NR3C2: variants seen among roughly 807,000 people sequenced by gnomAD.
NR3C2 encodes the protein mineralocorticoid receptor.
In NR3C2, 15 loss-of-function variants were observed where a neutral mutation model predicts 86.4. That is an observed-to-expected ratio of 0.17 (90% CI 0.12 to 0.27). The LOEUF is 0.27. NR3C2 is among the 10% of genes least tolerant of loss of function. The probability of loss-of-function intolerance (pLI) is 1.00; values close to 1 mark genes in which losing one functional copy is unlikely to be tolerated. For missense variants in NR3C2, 960 were observed against 1,195.6 expected (o/e 0.80, Z 2.91); for synonymous variants, 458 against 450.5 (o/e 1.02, Z -0.21).
intron 3 of NR3C2, among the ~76,000 whole-genome samples, chr4:148,216,400 A>G (rs1737540108): frequency 6.6e-6 from 1 of 152,174 alleles, no homozygotes. Context: ...CCCATGAAAC[A>G]GTCTTAGCAT....
At chr4:148,136,056 CAAAAAAAA>C (rs199716496) in intron 6 of NR3C2, among the ~76,000 whole-genome samples, 35,123 of 70,838 alleles carry the variant, frequency 0.5, 5,861 homozygotes, top group East Asian at 0.71. Context: ...GACTCCGTCT[CAAAAAAAA>C]AAAAAAAAAA....
At chr4:148,091,005 C>G (rs1402548220) in intron 8 of NR3C2, among the ~76,000 whole-genome samples, 1 of 152,226 alleles carries the variant, frequency 6.6e-6, no homozygotes, top group Non-Finnish European at 1.5e-5. Context: ...GTGTCACCAC[C>G]AACTACTACC....
chr4:148,278,627 G>C (rs1741080890), intron 2 of NR3C2, among the ~76,000 whole-genome samples: 2 of 152,072 alleles, frequency 1.3e-5, no homozygotes, highest in South Asian at 4.2e-4. Flanking sequence ...GATAATGCCT[G>C]GTTCTTCTCC....
At chr4:148,362,837 T>G (rs1325695222) in intron 2 of NR3C2, among the ~76,000 whole-genome samples, 1 of 152,226 alleles carries the variant, frequency 6.6e-6, no homozygotes, top group Non-Finnish European at 1.5e-5. Context: ...AAGGGCTGAC[T>G]TAAGCAGGGA....
At chr4:148,372,806 C>T (rs890027752) in intron 2 of NR3C2, among the ~76,000 whole-genome samples, 3 of 152,122 alleles carry the variant, frequency 2.0e-5, no homozygotes, top group Admixed American at 1.3e-4. Context: ...CTAATCCTTC[C>T]ACTGATTTCT....
intron 2 of NR3C2, among the ~76,000 whole-genome samples, chr4:148,336,643 C>G (rs1744502804): frequency 6.6e-6 from 1 of 151,988 alleles, no homozygotes; most frequent in Non-Finnish European, 1.5e-5. Flanking sequence ...TTGAACATCC[C>G]TCTCCCTAAC....
At chr4:148,114,289 T>C in intron 7 of NR3C2, 28 bp from the exon 8 acceptor site, 2 of 1,612,784 alleles carry the variant, frequency 1.2e-6, no homozygotes, top group Non-Finnish European at 1.7e-6. Flanking sequence ...GACATGTAAA[T>C]TTCCAGGATG....
At chr4:148,130,814 GTTTT>G (rs1732998027) in intron 6 of NR3C2, among the ~76,000 whole-genome samples, 2 of 77,054 alleles carry the variant, frequency 2.6e-5, no homozygotes, top group South Asian at 4.3e-4. Context: ...GTTTTGTTTT[GTTTT>G]GTTTTTTTTT....
At chr4:148,212,911 A>T (rs1579019679) in intron 3 of NR3C2, among the ~76,000 whole-genome samples, 1 of 152,214 alleles carries the variant, frequency 6.6e-6, no homozygotes, top group African/African-American at 2.4e-5. Flanking sequence ...GCTTGCAAGA[A>T]GTTCACAGAA....
chr4:148,306,501 T>C (rs1742634147), intron 2 of NR3C2, among the ~76,000 whole-genome samples: 2 of 152,246 alleles, frequency 1.3e-5, no homozygotes. Context: ...GACAAATTTA[T>C]TTCCTCCCTT....
chr4:148,255,352 A>C lies in NR3C2; in HGVS notation c.1897+4626T>G, dbSNP rs1318011325. Among the ~76,000 whole-genome samples the C allele has an allele frequency of 3.3e-5, 5 of 152,238 alleles. No homozygotes were observed. The East Asian group carries it at 9.6e-4, about 29-fold the overall frequency. ...AAATGTATGCTGTGAACTGAACTAC[A>C]TGGAAAAGAAATGAGGTACTCGTTC... On this transcript the variant is annotated intron_variant, in intron 3 of 8. Coordinates refer to ENST00000358102, the MANE Select transcript of NR3C2 (RefSeq NM_000901.5).
At chr4:148,157,958 A>G (rs946588807) in intron 4 of NR3C2, among the ~76,000 whole-genome samples, 3 of 152,256 alleles carry the variant, frequency 2.0e-5, no homozygotes. Flanking sequence ...CAGGCTTAAA[A>G]GATGAATAAG....
At chr4:148,293,163 T>C (rs532030931) in intron 2 of NR3C2, among the ~76,000 whole-genome samples, 1 of 152,272 alleles carries the variant, frequency 6.6e-6, no homozygotes, top group South Asian at 2.1e-4. Flanking sequence ...TCCTTTCCAA[T>C]AATATACATG....
rs1345592563 is a variant in NR3C2, at chr4:148,143,035, C to A, written c.2510+9434G>T. ...GCTATGCCTCCTGTACACTGTAGAA[C>A]CATGAGCCAATTAAATCTCCTTTCT... On this transcript the variant is annotated intron_variant, in intron 6 of 8. Coordinates refer to ENST00000358102, the MANE Select transcript of NR3C2 (RefSeq NM_000901.5). Among the ~76,000 whole-genome samples the A allele has an allele frequency of 2.6e-5, 4 of 152,192 alleles. No individual in the cohort carries two copies. The East Asian group carries it at 7.7e-4, about 29-fold the overall frequency.
chr4:148,199,335 A>G (rs1736600300), intron 3 of NR3C2, among the ~76,000 whole-genome samples: 3 of 152,142 alleles, frequency 2.0e-5, no homozygotes, highest in Admixed American at 2.0e-4. Context: ...CAGGGTAAAC[A>G]CAGGATAAAA....
chr4:148,353,918 C>G (rs1437822678), intron 2 of NR3C2, among the ~76,000 whole-genome samples: 5 of 152,162 alleles, frequency 3.3e-5, no homozygotes, highest in Admixed American at 3.3e-4. Context: ...CTTAAAGGCT[C>G]TTTAATTTAG....
intron 8 of NR3C2, among the ~76,000 whole-genome samples, chr4:148,087,543 A>G (rs1730870377): frequency 6.6e-6 from 1 of 152,192 alleles, no homozygotes; most frequent in South Asian, 2.1e-4. Flanking sequence ...AGAACAGAAC[A>G]GAGGCCTCAG....
At chr4:148,272,201 G>A (rs1467332914) in intron 2 of NR3C2, among the ~76,000 whole-genome samples, 2 of 152,108 alleles carry the variant, frequency 1.3e-5, no homozygotes, top group Non-Finnish European at 2.9e-5. Flanking sequence ...ATCCCTCCTG[G>A]AAAGTAAAGG....
chr4:148,379,313 T>C (rs1367288115), intron 2 of NR3C2, among the ~76,000 whole-genome samples: 2 of 152,140 alleles, frequency 1.3e-5, no homozygotes, highest in African/African-American at 4.8e-5. Context: ...CAATGAATCC[T>C]GTCAGGCATA....
Sources: allele counts gnomAD v4.1 joint callset (sites outside exome capture counted in the v4.1 genomes callset), GRCh38; gene constraint gnomAD v4.1.1; transcripts MANE v1.5; gene names NCBI Gene and HGNC (gene_info 2026-07-23, HGNC 2026-07-21).